Variants in FHIT observed in about 807,000 individuals in gnomAD.
FHIT encodes fragile histidine triad diadenosine triphosphatase.
In FHIT, 19 loss-of-function variants were observed where a neutral mutation model predicts 17.9. That is an observed-to-expected ratio of 1.06 (90% confidence interval 0.74 to 1.56). The LOEUF (loss-of-function observed/expected upper bound fraction) is 1.56, where lower values mean the gene tolerates loss of function less well. Ranked by LOEUF, FHIT falls within the 40% of genes most tolerant of loss-of-function variation. FHIT has a pLI of 0.00. For missense variants in FHIT, 248 were observed against 189.2 expected, an observed-to-expected ratio of 1.31 and a Z score of -1.82; for synonymous variants, 81 against 69.7, an observed-to-expected ratio of 1.16 and a Z score of -0.81.
intron 4 of FHIT, among the ~76,000 whole-genome samples, chr3:60,636,874 CAG>C (rs2039601052): frequency 6.6e-6 from 1 of 152,192 alleles, no homozygotes; most frequent in Non-Finnish European, 1.5e-5. Flanking sequence ...TCTAAAGTAA[CAG>C]AGAAAGCCAA....
At position 60,196,306 on chromosome 3, in the gene FHIT, A is replaced by C; in HGVS notation, c.104-182154T>G. Among the ~76,000 whole-genome samples, 2 of 152,166 alleles carry C rather than the reference A, an allele frequency of 1.3e-5. 1 individual carries two copies. Among genetic ancestry groups the C allele is most frequent in the South Asian group, 4.1e-4 (2 of 4,820 alleles). ...CTTCTAGAGGAAGCCCACATTCCTCACCTCATGGTGCCTTCCCACATCTTC... is the reference window on the plus strand; with the variant it reads ...CTTCTAGAGGAAGCCCACATTCCTCCCCTCATGGTGCCTTCCCACATCTTC... On this transcript the variant is annotated intron_variant, in intron 5 of 9. Coordinates refer to ENST00000492590, the MANE Select transcript of FHIT (RefSeq NM_002012.4).
chr3:61,231,447 C>T (rs1295588036), intron 1 of FHIT, among the ~76,000 whole-genome samples: 2 of 151,846 alleles, frequency 1.3e-5, no homozygotes, highest in Non-Finnish European at 2.9e-5. Flanking sequence ...CATGATCATG[C>T]CACTGCATTC....
intron 1 of FHIT, among the ~76,000 whole-genome samples, chr3:61,206,177 A>G (rs555882823): frequency 2.2e-5 from 3 of 134,926 alleles, no homozygotes; most frequent in East Asian, 2.3e-4. Context: ...ATTGATCTAT[A>G]TCTCTGTTTT....
chr3:60,485,477 A>G (rs2033797703), intron 5 of FHIT, among the ~76,000 whole-genome samples: 1 of 152,220 alleles, frequency 6.6e-6, no homozygotes. Context: ...GCAGACATAT[A>G]AAGGAATGAG....
At chr3:59,997,385 G>A (rs187196458) in intron 7 of FHIT, among the ~76,000 whole-genome samples, 154 of 152,234 alleles carry the variant, frequency 1.0e-3, no homozygotes, top group Middle Eastern at 3.4e-3. Context: ...GAAGCAAAGT[G>A]TTGGTTCACA....
intron 5 of FHIT, among the ~76,000 whole-genome samples, chr3:60,109,127 C>G (rs528007620): frequency 1.4e-5 from 2 of 146,550 alleles, no homozygotes; most frequent in African/African-American, 4.9e-5. Flanking sequence ...AAGAGGGGGA[C>G]GGGGGTAGGG....
intron 4 of FHIT, among the ~76,000 whole-genome samples, chr3:60,560,999 G>C (rs560067377): frequency 6.6e-6 from 1 of 152,042 alleles, no homozygotes; most frequent in East Asian, 2.0e-4. Context: ...ACAGCAGTGA[G>C]CAAAGTGCCA....
chr3:60,498,459 T>C (rs777513177), intron 5 of FHIT, among the ~76,000 whole-genome samples: 3 of 152,200 alleles, frequency 2.0e-5, no homozygotes, highest in South Asian at 2.1e-4. Flanking sequence ...AACACACATA[T>C]TGTATCTTCA....
At chr3:60,507,775 T>G (rs1258711742) in intron 5 of FHIT, among the ~76,000 whole-genome samples, 1 of 152,174 alleles carries the variant, frequency 6.6e-6, no homozygotes, top group Non-Finnish European at 1.5e-5. Context: ...ACATGTGGTA[T>G]TTGCTTTCCT....
intron 5 of FHIT, among the ~76,000 whole-genome samples, chr3:60,460,589 G>A (rs1420107924): frequency 6.6e-6 from 1 of 152,022 alleles, no homozygotes; most frequent in Non-Finnish European, 1.5e-5. Flanking sequence ...ATCCACCTTG[G>A]TAAAATAAAT....
At chr3:60,712,212 C>G (rs13096823) in intron 4 of FHIT, among the ~76,000 whole-genome samples, 139,445 of 152,156 alleles carry the variant, frequency 0.92, 64,543 homozygotes, top group East Asian at 1. Context: ...AAATCCTTTA[C>G]AGACAAGCAA....
intron 5 of FHIT, among the ~76,000 whole-genome samples, chr3:60,088,080 G>A (rs1703574474): frequency 6.6e-6 from 1 of 152,174 alleles, no homozygotes; most frequent in Non-Finnish European, 1.5e-5. Context: ...GGGAGCTTAT[G>A]AGCTTATGTA....
At chr3:60,815,413 A>G (rs1018416215) in intron 4 of FHIT, among the ~76,000 whole-genome samples, 3 of 152,132 alleles carry the variant, frequency 2.0e-5, no homozygotes, top group African/African-American at 7.2e-5. Flanking sequence ...TTAGCTTTGT[A>G]TATGGTGAAA....
At chr3:60,659,782 G>C (rs1437378465) in intron 4 of FHIT, among the ~76,000 whole-genome samples, 2 of 152,048 alleles carry the variant, frequency 1.3e-5, no homozygotes, top group Non-Finnish European at 2.9e-5. Flanking sequence ...GACAGACCTC[G>C]TTGGTTCATT....
intron 5 of FHIT, among the ~76,000 whole-genome samples, chr3:60,387,392 C>A (rs1438633056): frequency 6.6e-6 from 1 of 152,136 alleles, no homozygotes; most frequent in Non-Finnish European, 1.5e-5. Flanking sequence ...AAGGAATGGA[C>A]ACTTAAAACT....
intron 3 of FHIT, among the ~76,000 whole-genome samples, chr3:60,927,872 G>A (rs1707734045): frequency 6.6e-6 from 1 of 152,352 alleles, no homozygotes; most frequent in East Asian, 1.9e-4. Flanking sequence ...TAGAAAAGGG[G>A]GAAATGTGGG....
Position 60,910,709 on chromosome 3 carries a change from G to A in FHIT, c.-110-88698C>T, listed in dbSNP as rs1024053581. 2.9e-4 allele frequency among the ~76,000 whole-genome samples: 44 copies of A among 152,254 alleles called. 1 individual carries two copies. The highest frequency in any genetic ancestry group is 2.5e-4 in the Non-Finnish European group (17 of 68,014). On this transcript the variant is annotated intron_variant, in intron 3 of 9. Coordinates refer to ENST00000492590, the MANE Select transcript of FHIT (RefSeq NM_002012.4). ...TTACAGGCATGAGCCACCATGCCCGGCCCAGGTCTTTCTCTAGCGATGTGT... is the reference window on the plus strand; with the variant it reads ...TTACAGGCATGAGCCACCATGCCCGACCCAGGTCTTTCTCTAGCGATGTGT...
intron 4 of FHIT, among the ~76,000 whole-genome samples, chr3:60,793,376 C>A (rs1048636220): frequency 1.3e-5 from 2 of 151,802 alleles, no homozygotes; most frequent in Admixed American, 6.6e-5. Flanking sequence ...GATCTCAGCT[C>A]ACTACAATCT....
At chr3:60,798,967 A>AT (rs1310678852) in intron 4 of FHIT, among the ~76,000 whole-genome samples, 1 of 151,890 alleles carries the variant, frequency 6.6e-6, no homozygotes, top group Non-Finnish European at 1.5e-5. Flanking sequence ...CCAGCCTCCC[A>AT]AAATGTTGGG....
Sources: allele counts gnomAD v4.1 joint callset (sites outside exome capture counted in the v4.1 genomes callset), GRCh38; gene constraint gnomAD v4.1.1; transcripts MANE v1.5; gene names NCBI Gene and HGNC (gene_info 2026-07-23, HGNC 2026-07-21).